RIMS2: variants seen among roughly 807,000 people sequenced by gnomAD.
RIMS2 encodes the protein regulating synaptic membrane exocytosis 2.
A neutral mutation model predicts 174.4 loss-of-function variants in RIMS2; 59 were observed. That is an observed-to-expected ratio of 0.34 (90% CI 0.27 to 0.42). The LOEUF is 0.42. Ranked by LOEUF, RIMS2 falls within the 10% of genes least tolerant of loss-of-function variation. The pLI, the probability that RIMS2 is intolerant of heterozygous loss-of-function variation, is 1.00. For missense variants in RIMS2, 1,620 were observed against 1,666.3 expected, an observed-to-expected ratio of 0.97 and a Z score of 0.48; for synonymous variants, 606 against 572.5, an observed-to-expected ratio of 1.06 and a Z score of -0.84.
chr8:104,242,497 C>T (rs57506399), intron 19 of RIMS2, among the ~76,000 whole-genome samples: 7 of 152,260 alleles, frequency 4.6e-5, no homozygotes, highest in East Asian at 3.9e-4. Context: ...CAAGTACACT[C>T]GTAGCATTTG....
chr8:104,049,840 C>T (rs922457209), intron 19 of RIMS2, among the ~76,000 whole-genome samples: 2 of 152,130 alleles, frequency 1.3e-5, no homozygotes, highest in African/African-American at 4.8e-5. Context: ...ATAAATTTTT[C>T]ATTAAATGTC....
chr8:103,504,846 C>CTTTTT (rs11367763), intron 1 of RIMS2, among the ~76,000 whole-genome samples: 15 of 95,024 alleles, frequency 1.6e-4, no homozygotes, highest in South Asian at 7.0e-4. Flanking sequence ...TTCTTTCTTT[C>CTTTTT]TTTTTTTTTT....
intron 19 of RIMS2, among the ~76,000 whole-genome samples, chr8:104,147,262 CACTA>C (rs1324553897): frequency 1.3e-5 from 2 of 152,098 alleles, no homozygotes; most frequent in African/African-American, 4.8e-5. Context: ...CACACACACA[CACTA>C]ACTCTCTTTG....
At chr8:103,955,719 C>G (rs2086943958) in intron 14 of RIMS2, among the ~76,000 whole-genome samples, 1 of 152,178 alleles carries the variant, frequency 6.6e-6, no homozygotes. Context: ...CTCACCACTC[C>G]TATTCAAGGT....
chr8:103,600,143 T>C (rs1403788448), intron 1 of RIMS2, among the ~76,000 whole-genome samples: 1 of 152,162 alleles, frequency 6.6e-6, no homozygotes, highest in Non-Finnish European at 1.5e-5. Context: ...AGTGAGAACA[T>C]ACAATGTTTG....
intron 2 of RIMS2, among the ~76,000 whole-genome samples, chr8:103,709,627 T>G (rs2097279220): frequency 6.6e-6 from 1 of 152,202 alleles, no homozygotes. Flanking sequence ...TTTCCAGTCT[T>G]GCTGGTAGGA....
chr8:104,037,794 T>A (rs2096545017), intron 19 of RIMS2, among the ~76,000 whole-genome samples: 1 of 152,142 alleles, frequency 6.6e-6, no homozygotes, highest in South Asian at 2.1e-4. Context: ...TATACATGCA[T>A]TAATATCTAT....
intron 1 of RIMS2, among the ~76,000 whole-genome samples, chr8:103,572,637 CG>C (rs1164438214): frequency 6.6e-6 from 1 of 151,558 alleles, no homozygotes; most frequent in Non-Finnish European, 1.5e-5. Context: ...GTTTTATTTG[CG>C]TTTCTCCAAT....
intron 19 of RIMS2, among the ~76,000 whole-genome samples, chr8:104,129,142 T>G (rs2098454141): frequency 6.6e-6 from 1 of 151,990 alleles, no homozygotes; most frequent in Non-Finnish European, 1.5e-5. Context: ...CCCAGCATTT[T>G]GAGAGTGTGA....
intron 3 of RIMS2, among the ~76,000 whole-genome samples, chr8:103,857,074 T>A (rs2099031973): frequency 6.6e-6 from 1 of 152,172 alleles, no homozygotes; most frequent in African/African-American, 2.4e-5. Flanking sequence ...CCCCTACAAA[T>A]CTGCAACCTG....
chr8:103,652,323 T>G, intron 1 of RIMS2, 86 bp downstream of exon 2: 2 of 716,866 alleles, frequency 2.8e-6, no homozygotes, highest in Non-Finnish European at 4.4e-6. Context: ...ACACTAATAC[T>G]GGATAGGCTG....
chr8:104,053,238 A>G (rs191913004), intron 19 of RIMS2, among the ~76,000 whole-genome samples: 2 of 152,332 alleles, frequency 1.3e-5, no homozygotes, highest in Admixed American at 6.5e-5. Context: ...ATTGAACTCA[A>G]TATTGGAGAT....
At chr8:104,195,441 A>G (rs2099019160) in intron 19 of RIMS2, among the ~76,000 whole-genome samples, 1 of 152,128 alleles carries the variant, frequency 6.6e-6, no homozygotes, top group Non-Finnish European at 1.5e-5. Context: ...CTTTCAAGTA[A>G]AGATGTGTAG....
At chr8:103,540,962 G>C (rs527839509) in intron 1 of RIMS2, among the ~76,000 whole-genome samples, 1 of 150,934 alleles carries the variant, frequency 6.6e-6, no homozygotes, top group East Asian at 1.9e-4. Flanking sequence ...AAAATATACA[G>C]TGAGAGGAAT....
chr8:104,074,898 A>G (rs1185984855), intron 19 of RIMS2, among the ~76,000 whole-genome samples: 1 of 152,106 alleles, frequency 6.6e-6, no homozygotes, highest in Non-Finnish European at 1.5e-5. Context: ...AACTAAGACC[A>G]CGTTTATAAA....
At position 103,937,800 on chromosome 8, in the gene RIMS2, C is replaced by G. The variant is rs74947818; in HGVS notation, c.2547+1078C>G. On this transcript the variant is annotated intron_variant, in intron 13 of 23. Coordinates refer to ENST00000504942, the Ensembl canonical transcript of RIMS2. ...GACTTAAACTGAGACCAGGGCATGTCCCTTAATATATAAACAAATTTGGAT... is the reference window on the plus strand; with the variant it reads ...GACTTAAACTGAGACCAGGGCATGTGCCTTAATATATAAACAAATTTGGAT... Among the ~76,000 whole-genome samples, 1,080 of 152,196 alleles carry G rather than the reference C, an allele frequency of 7.1e-3. 3 individuals carry two copies. Among genetic ancestry groups the G allele is most frequent in the Non-Finnish European group, 0.012 (815 of 67,998 alleles).
chr8:103,944,474 G>A (rs916434228), intron 14 of RIMS2, among the ~76,000 whole-genome samples: 3 of 151,770 alleles, frequency 2.0e-5, no homozygotes, highest in South Asian at 2.1e-4. Context: ...TTTTCATTCG[G>A]GACTGGCCTT....
At chr8:103,936,813 A>G in intron 13 of RIMS2, 91 bp downstream of exon 15, 2 of 1,044,686 alleles carry the variant, frequency 1.9e-6, no homozygotes, top group Non-Finnish European at 2.7e-6. Context: ...TTTGTAGAAT[A>G]GGCCAGGCAT....
intron 4 of RIMS2, among the ~76,000 whole-genome samples, chr8:103,896,103 T>G (rs1465535477): frequency 6.6e-6 from 1 of 151,678 alleles, no homozygotes; most frequent in Non-Finnish European, 1.5e-5. Flanking sequence ...TATTTAGCTT[T>G]TCTGAGGGTC....
Sources: gnomAD v4.1 joint callset for allele counts (sites outside exome capture counted in the v4.1 genomes callset) on GRCh38, gnomAD v4.1.1 for gene constraint, MANE v1.5 for transcripts, NCBI Gene and HGNC (gene_info 2026-07-23, HGNC 2026-07-21) for gene names.